AP1S3: variants seen among roughly 807,000 people sequenced by gnomAD.
AP1S3 encodes adaptor related protein complex 1 subunit sigma 3.
In AP1S3, 10 loss-of-function variants were observed where a neutral mutation model predicts 20.9. The ratio of observed to expected loss-of-function variants is 0.48; its 90% CI spans 0.29 to 0.81. The LOEUF is 0.81. Among genes scored for constraint, AP1S3 ranks in the 30% least tolerant of loss-of-function variants. The probability of loss-of-function intolerance (pLI) is 0.08; values close to 1 mark genes in which losing one functional copy is unlikely to be tolerated. For missense variants in AP1S3, 154 were observed against 183.8 expected, an observed-to-expected ratio of 0.84 and a Z score of 0.94; for synonymous variants, 41 against 61.5, an observed-to-expected ratio of 0.67 and a Z score of 1.56.
chr2:223,759,711 C>T (rs1325839628), intron 4 of AP1S3, among the ~76,000 whole-genome samples: 1 of 152,146 alleles, frequency 6.6e-6, no homozygotes, highest in Non-Finnish European at 1.5e-5. Context: ...ATGATTTCAT[C>T]ATCCAGGTAT....
chr2:223,810,270 A>G (rs1691690854), intron 1 of AP1S3, among the ~76,000 whole-genome samples: 1 of 152,086 alleles, frequency 6.6e-6, no homozygotes, highest in African/African-American at 2.4e-5. Flanking sequence ...AGGGGAAAAT[A>G]AAAAGACACC....
At chr2:223,796,866 G>A (rs974917165) in intron 1 of AP1S3, among the ~76,000 whole-genome samples, 4 of 152,154 alleles carry the variant, frequency 2.6e-5, no homozygotes, top group Admixed American at 6.5e-5. Flanking sequence ...GCTTCACCAC[G>A]TTGGCCAGGC....
chr2:223,821,284 T>C (rs1413760781), intron 1 of AP1S3, among the ~76,000 whole-genome samples: 1 of 152,208 alleles, frequency 6.6e-6, no homozygotes, highest in Non-Finnish European at 1.5e-5. Context: ...GCCTCCTGAA[T>C]AGCTGGGATT....
Position 223,771,459 on chromosome 2 carries a change from C to G in AP1S3, c.291+4442G>C, listed in dbSNP as rs139280675. 7.2e-3 allele frequency among the ~76,000 whole-genome samples: 1,102 copies of G among 152,320 alleles called. 10 individuals are homozygous for G. Among genetic ancestry groups the G allele is most frequent in the African/African-American group, 0.025 (1,050 of 41,582 alleles). On this transcript the variant is annotated intron_variant, in intron 3 of 4. Coordinates refer to ENST00000396654, the MANE Select transcript of AP1S3 (RefSeq NM_001039569.2). ...CACTCCTTCTAATTATGCAAATACCCCGGCTTCTTGCTCCCTCACCATGTT... is the reference window on the plus strand; with the variant it reads ...CACTCCTTCTAATTATGCAAATACCGCGGCTTCTTGCTCCCTCACCATGTT...
At chr2:223,773,298 C>A in intron 3 of AP1S3, 1 of 1,303,108 alleles carries the variant, frequency 7.7e-7, no homozygotes, top group South Asian at 1.2e-5. Context: ...AGGCAGGTTA[C>A]GGGAATGCCC....
intron 1 of AP1S3, among the ~76,000 whole-genome samples, chr2:223,788,009 C>A (rs1019804899): frequency 6.6e-6 from 1 of 151,906 alleles, no homozygotes; most frequent in Non-Finnish European, 1.5e-5. Context: ...CAGGCTGGAG[C>A]GCAGTGGTGT....
In AP1S3 at chr2:223,758,455, G is replaced by T; in HGVS notation, c.*260C>A. The T allele has an allele frequency of 8.6e-7, 1 of 1,167,952 alleles. No homozygotes were observed. Among genetic ancestry groups the T allele is most frequent in the Non-Finnish European group, 1.1e-6 (1 of 948,106 alleles). The allele number at this position is 1,167,952 out of a possible 1,614,324, so 72.3% of individuals were successfully genotyped here. A position where few individuals can be genotyped will look rare whatever the true frequency, so the allele number is the denominator to read the frequency against. ...TAATACATTACAAATATTGTCTGTTGGGTTAGGTGGTAGTTACTTTAAACA... is the reference window on the plus strand; with the variant it reads ...TAATACATTACAAATATTGTCTGTTTGGTTAGGTGGTAGTTACTTTAAACA... On this transcript the variant is annotated 3_prime_UTR_variant, in exon 5 of 5. Coordinates refer to ENST00000396654, the MANE Select transcript of AP1S3 (RefSeq NM_001039569.2).
At chr2:223,767,806 C>T (rs1040089013) in intron 3 of AP1S3, among the ~76,000 whole-genome samples, 1 of 152,152 alleles carries the variant, frequency 6.6e-6, no homozygotes, top group African/African-American at 2.4e-5. Flanking sequence ...ATTTCTCCAT[C>T]TAATTCATTC....
intron 1 of AP1S3, among the ~76,000 whole-genome samples, chr2:223,815,067 C>T (rs756396984): frequency 1.3e-5 from 2 of 152,214 alleles, no homozygotes; most frequent in Non-Finnish European, 2.9e-5. Flanking sequence ...AGCCAGTGCA[C>T]CTGGCCCCAA....
chr2:223,825,544 C>A (rs895538188), intron 1 of AP1S3, among the ~76,000 whole-genome samples: 2 of 152,220 alleles, frequency 1.3e-5, no homozygotes, highest in African/African-American at 4.8e-5. Flanking sequence ...CTCCTCCCCA[C>A]TGAATTCCTG....
intron 1 of AP1S3, among the ~76,000 whole-genome samples, chr2:223,826,178 G>A (rs1692123607): frequency 6.6e-6 from 1 of 152,062 alleles, no homozygotes; most frequent in African/African-American, 2.4e-5. Flanking sequence ...ATTTCTCCTG[G>A]AGTCCTTTGA....
chr2:223,824,792 C>T (rs1692082875), intron 1 of AP1S3, among the ~76,000 whole-genome samples: 1 of 152,194 alleles, frequency 6.6e-6, no homozygotes, highest in Non-Finnish European at 1.5e-5. Flanking sequence ...GTCACGGCCT[C>T]CCAAAGTGCT....
chr2:223,828,408 T>C (rs1489809939), intron 1 of AP1S3, among the ~76,000 whole-genome samples: 1 of 151,366 alleles, frequency 6.6e-6, no homozygotes, highest in African/African-American at 2.4e-5. Context: ...GCGATTCTCT[T>C]GCCTCAGCCT....
chr2:223,778,480 AAGT>A (rs1690844789), intron 1 of AP1S3, among the ~76,000 whole-genome samples: 1 of 152,154 alleles, frequency 6.6e-6, no homozygotes, highest in Admixed American at 6.5e-5. Context: ...ATAATCAAGA[AAGT>A]AGTAGTACTT....
rs751453006 is a variant in AP1S3, at chr2:223,756,984, T to C, written c.*1731A>G. ...AGACAGAATACTACAAGCTTTTACT[T>C]TTTCTTTTTTTTTTTTTTTTTCTTG... On this transcript the variant is annotated 3_prime_UTR_variant, in exon 5 of 5. Transcript: ENST00000396654. 1.4e-4 allele frequency: 142 copies of C among 983,136 alleles called. No individual in the cohort carries two copies. The highest frequency in any genetic ancestry group is 1.7e-4 in the Non-Finnish European group (141 of 829,836). The allele number at this position is 983,136 out of a possible 1,614,324, so 60.9% of individuals were successfully genotyped here.
intron 1 of AP1S3, among the ~76,000 whole-genome samples, chr2:223,811,459 C>G (rs1224438829): frequency 6.6e-6 from 1 of 151,298 alleles, no homozygotes. Flanking sequence ...ATCCCAGCTA[C>G]TCAGGAGGCT....
At chr2:223,832,352 C>CACAAACAA (rs77999290) in intron 1 of AP1S3, among the ~76,000 whole-genome samples, 70,708 of 150,712 alleles carry the variant, frequency 0.47, 16,738 homozygotes, top group Admixed American at 0.56. Flanking sequence ...CAATACTCAC[C>CACAAACAA]ACAAACAAAC....
At chr2:223,780,146 C>T (rs1690886342) in intron 1 of AP1S3, among the ~76,000 whole-genome samples, 1 of 151,398 alleles carries the variant, frequency 6.6e-6, no homozygotes, top group South Asian at 2.1e-4. Flanking sequence ...TGGCCCCAGC[C>T]TACAGAATTT....
intron 1 of AP1S3, among the ~76,000 whole-genome samples, chr2:223,808,298 T>A (rs12467861): frequency 2.6e-5 from 4 of 151,880 alleles, no homozygotes; most frequent in African/African-American, 9.7e-5. Context: ...CAACATTAAC[T>A]CGGCAGGCCC....
Sources: gnomAD v4.1 joint callset for allele counts (sites outside exome capture counted in the v4.1 genomes callset) on GRCh38, gnomAD v4.1.1 for gene constraint, MANE v1.5 for transcripts, NCBI Gene and HGNC (gene_info 2026-07-23, HGNC 2026-07-21) for gene names.